ZNF560: variants seen among roughly 807,000 people sequenced by gnomAD.
ZNF560 encodes the protein zinc finger protein 560.
In ZNF560, 54 loss-of-function variants were observed where a neutral mutation model predicts 81.8. The observed-to-expected ratio is 0.66, with a 90% CI of 0.53 to 0.83. The LOEUF (loss-of-function observed/expected upper bound fraction) is 0.83. Among genes scored for constraint, ZNF560 ranks in the 40% least tolerant of loss-of-function variants. ZNF560 has a pLI of 0.00. For synonymous variants in ZNF560, 321 were observed against 317.9 expected (o/e 1.01, Z -0.10); for missense variants, 940 against 932.4 (o/e 1.01, Z -0.11).
intron 2 of ZNF560, among the ~76,000 whole-genome samples, chr19:9,476,203 A>G (rs1417553494): frequency 1.3e-5 from 2 of 152,020 alleles, no homozygotes; most frequent in Admixed American, 1.3e-4. Context: ...GCAGAACCAG[A>G]TGGAGGTGAT....
At chr19:9,453,364 C>T in the ZNF560 span, among the ~76,000 whole-genome samples, 1 of 151,982 alleles carries the variant, frequency 6.6e-6, no homozygotes, top group African/African-American at 2.4e-5. Context: ...AGAAATCAAA[C>T]CAAAAATATA....
chr19:9,488,178 TCCCTTTTGCACAAG>T (rs1257889649), intron 2 of ZNF560, among the ~76,000 whole-genome samples: 1 of 152,176 alleles, frequency 6.6e-6, no homozygotes, highest in Non-Finnish European at 1.5e-5. Context: ...TTGTGTTTGG[TCCCTTTTGCACAAG>T]CCTGCTTCCT....
the ZNF560 span, among the ~76,000 whole-genome samples, chr19:9,457,380 G>A: frequency 2.0e-5 from 3 of 152,190 alleles, no homozygotes; most frequent in Non-Finnish European, 2.9e-5. Flanking sequence ...TTGCAATTAC[G>A]ATTCCTGTGG....
intron 9 of ZNF560, among the ~76,000 whole-genome samples, chr19:9,468,857 G>A (rs1599650259): frequency 6.6e-6 from 1 of 151,536 alleles, no homozygotes. Flanking sequence ...AGCCTCACAA[G>A]TAGCTGGGAC....
chr19:9,475,586 C>T (rs2073187841), intron 2 of ZNF560, among the ~76,000 whole-genome samples: 1 of 151,778 alleles, frequency 6.6e-6, no homozygotes, highest in African/African-American at 2.4e-5. Flanking sequence ...GTATAATATC[C>T]TCATTGCACA....
At chr19:9,462,448 G>A (rs1309545566), downstream of ZNF560, among the ~76,000 whole-genome samples, 1 of 152,204 alleles carries the variant, frequency 6.6e-6, no homozygotes, top group Admixed American at 6.5e-5. Context: ...ATCACAGGCT[G>A]TCAATAAATA....
intron 2 of ZNF560, among the ~76,000 whole-genome samples, chr19:9,480,227 A>AAAC (rs201069248): frequency 1.1e-4 from 17 of 152,152 alleles, no homozygotes; most frequent in South Asian, 6.2e-4. Context: ...TTAGGTCACA[A>AAAC]AACAACAACA....
chr19:9,478,803 C>T (rs1479753457), intron 2 of ZNF560, among the ~76,000 whole-genome samples: 1 of 151,770 alleles, frequency 6.6e-6, no homozygotes, highest in African/African-American at 2.4e-5. Context: ...ATCAAAAGTA[C>T]ACTAGAGAAA....
intron 2 of ZNF560, among the ~76,000 whole-genome samples, chr19:9,495,158 A>T (rs2073538389): frequency 6.6e-6 from 1 of 152,124 alleles, no homozygotes; most frequent in Admixed American, 6.5e-5. Context: ...AATAAATAAA[A>T]ATAAATAATA....
At chr19:9,476,584 C>G (rs953063705) in intron 2 of ZNF560, among the ~76,000 whole-genome samples, 5 of 152,154 alleles carry the variant, frequency 3.3e-5, no homozygotes, top group Non-Finnish European at 7.4e-5. Flanking sequence ...GCCACCGCGC[C>G]CGGCCAATCT....
At chr19:9,469,959 G>A in intron 7 of ZNF560, 1 of 482,912 alleles carries the variant, frequency 2.1e-6, no homozygotes. Flanking sequence ...TTTCTAAATG[G>A]CAAATGTTAA....
intron 2 of ZNF560, among the ~76,000 whole-genome samples, chr19:9,487,713 T>C (rs751063983): frequency 6.6e-6 from 1 of 152,208 alleles, no homozygotes; most frequent in Admixed American, 6.5e-5. Flanking sequence ...TGCATTTGAA[T>C]GTTACTAGGT....
chr19:9,501,327 T>TTGTGTGTGTGTG (rs71185606), upstream of ZNF560, among the ~76,000 whole-genome samples: 76 of 109,024 alleles, frequency 7.0e-4, 2 homozygotes, highest in African/African-American at 1.3e-3. Context: ...CCTGGCTACT[T>TTGTGTGTGTGTG]TGTGTGTGTG....
chr19:9,465,891 G>A (rs2073007071), downstream of ZNF560, among the ~76,000 whole-genome samples: 2 of 152,172 alleles, frequency 1.3e-5, no homozygotes, highest in South Asian at 4.1e-4. Flanking sequence ...CTACTCGGGA[G>A]GCTGAGGCAG....
At chr19:9,460,204 T>TC in the ZNF560 span, among the ~76,000 whole-genome samples, 1 of 152,170 alleles carries the variant, frequency 6.6e-6, no homozygotes, top group Middle Eastern at 3.4e-3. Flanking sequence ...GGCAGCATTG[T>TC]CCAAGTTGAT....
At chr19:9,506,337 G>A in the ZNF560 span, among the ~76,000 whole-genome samples, 1 of 150,616 alleles carries the variant, frequency 6.6e-6, no homozygotes, top group South Asian at 2.1e-4. Flanking sequence ...CCATTCCAAA[G>A]TTATATTATT....
At chr19:9,465,180 G>T (rs998987904), downstream of ZNF560, among the ~76,000 whole-genome samples, 3 of 149,252 alleles carry the variant, frequency 2.0e-5, no homozygotes, top group Non-Finnish European at 4.4e-5. Flanking sequence ...CGCCAGGCTG[G>T]AGTGCAGTGG....
At chr19:9,487,562 G>C (rs1015821922) in intron 2 of ZNF560, among the ~76,000 whole-genome samples, 1 of 152,212 alleles carries the variant, frequency 6.6e-6, no homozygotes, top group Admixed American at 6.5e-5. Flanking sequence ...ATGCCATGCA[G>C]GGGTCCATGC....
intron 3 of ZNF560, among the ~76,000 whole-genome samples, chr19:9,474,666 T>TC (rs2144696439): frequency 6.6e-6 from 1 of 150,806 alleles, no homozygotes; most frequent in East Asian, 1.9e-4. Flanking sequence ...ATGATTAGCC[T>TC]TTTTTTTTGG....
Sources: allele counts gnomAD v4.1 joint callset (sites outside exome capture counted in the v4.1 genomes callset), GRCh38; gene constraint gnomAD v4.1.1; transcripts MANE v1.5; gene names NCBI Gene and HGNC (gene_info 2026-07-23, HGNC 2026-07-21).